The following CC2D1A variants were observed in gnomAD, a reference collection of about 807,000 sequenced individuals.
CC2D1A encodes the protein coiled-coil and C2 domain-containing protein 1A.
Under a neutral mutation model 123.8 loss-of-function variants are expected in CC2D1A, and 68 were observed. The ratio of observed to expected loss-of-function variants is 0.55; its 90% CI spans 0.45 to 0.67. The LOEUF (loss-of-function observed/expected upper bound fraction) is 0.67, where lower values mean the gene tolerates loss of function less well. Among genes scored for constraint, CC2D1A ranks in the 30% least tolerant of loss-of-function variants. CC2D1A has a pLI of 0.00. For synonymous variants in CC2D1A, 477 were observed against 528.0 expected, an observed-to-expected ratio of 0.90 and a Z score of 1.32; for missense variants, 1,185 against 1,290.3, an observed-to-expected ratio of 0.92 and a Z score of 1.25.
intron 11 of CC2D1A, 130 bp from the exon 12 acceptor site, chr19:13,919,688 A>AATT: frequency 1.0e-6 from 1 of 998,128 alleles, no homozygotes; most frequent in Non-Finnish European, 1.4e-6. Flanking sequence ...AAAAAAAAAA[A>AATT]AATTAATTAA....
chr19:13,919,074 A>C, intron 10 of CC2D1A, 32 bp downstream of exon 10: 2 of 1,602,646 alleles, frequency 1.2e-6, no homozygotes, highest in Non-Finnish European at 1.7e-6. Flanking sequence ...AGGTGGGGCG[A>C]GTGGGCAGCC....
In CC2D1A at chr19:13,923,350, C is replaced by T. The variant is rs1971475602; in HGVS notation, c.1659C>T (p.Val553=). 1.9e-6 allele frequency: 3 copies of T among 1,609,260 alleles called. No homozygotes were observed. The highest frequency in any genetic ancestry group is 2.5e-6 in the Non-Finnish European group (3 of 1,179,812). ...VDITKVPPAP[V]NKDDFALVQR... The stretch of plus-strand genomic sequence containing the variant: ...CTCCCCAGGTGCCGCCTGCCCCTGT[C>T]AACAAGGACGACTTTGCCCTGGTCC... Residue 553 remains valine (V), a synonymous_variant, in exon 15 of 29, where the codon GTC becomes GTT. Transcript: ENST00000318003. This position sits in a 1 kb window ranked among gnomAD's most constrained non-coding sequence, Gnocchi z 5.3.
rs928026200 is a variant in CC2D1A at position 13,906,222 on chromosome 19, C to G, written c.-220C>G. 1.2e-4 allele frequency: 52 copies of G among 436,634 alleles called. No individual in the cohort carries two copies. The highest frequency in any genetic ancestry group is 9.1e-4 in the African/African-American group (44 of 48,562). 27.0% of individuals were successfully genotyped at this position (436,634 alleles called of 1,614,324 possible). ...AGTTGTAGTTTCGGCTCGGCAGACCCGGCGAGCCCAGTGGCCGCGCTCCGG... is the reference window on the plus strand; with the variant it reads ...AGTTGTAGTTTCGGCTCGGCAGACCGGGCGAGCCCAGTGGCCGCGCTCCGG... On this transcript the variant is annotated 5_prime_UTR_variant, in exon 1 of 29. Transcript: ENST00000318003. The surrounding 1 kb of genome is among the most constrained non-coding windows in gnomAD (Gnocchi z 4.1).
At chr19:13,920,081 C>A in intron 12 of CC2D1A, 130 bp downstream of exon 12, 1 of 969,284 alleles carries the variant, frequency 1.0e-6, no homozygotes, top group Non-Finnish European at 1.5e-6. Flanking sequence ...ACCCCCGTCT[C>A]TACAAAAAAA....
chr19:13,924,712 G>A (rs1315513394), intron 17 of CC2D1A, among the ~76,000 whole-genome samples: 2 of 152,112 alleles, frequency 1.3e-5, no homozygotes, highest in African/African-American at 4.8e-5. Flanking sequence ...GCCTGCCTTG[G>A]CCTCCCAAAA....
Position 13,926,860 on chromosome 19 carries a change from A to C in CC2D1A, c.2113A>C (p.Thr705Pro). Residue 705 changes from threonine to proline, a missense_variant, in exon 20 of 29, where the codon ACA (threonine) becomes CCA (proline). Physicochemically the swap from Thr to Pro is conservative, Grantham distance 38 (BLOSUM62 -1). Coordinates refer to ENST00000318003, the MANE Select transcript of CC2D1A (RefSeq NM_017721.5). Reference protein sequence around the residue: ...QKDKTSVIKNTDSPEFKEQFK... With the variant: ...QKDKTSVIKNPDSPEFKEQFK... ...AGACAAGACCAGTGTGATCAAGAAC[A>C]CAGACTCCCCTGGTGAGCCTCGGCT... 1 of 1,614,110 alleles carries C rather than the reference A, an allele frequency of 6.2e-7. No homozygotes were observed. The highest frequency in any genetic ancestry group is 1.6e-4 in the Middle Eastern group (1 of 6,062).
In CC2D1A at chr19:13,928,011, T is replaced by A; in HGVS notation, c.2435T>A (p.Val812Glu). The change falls in exon 23 of 29, where the codon GTG (valine) becomes GAG (glutamate). Residue 812 changes from valine to glutamate, a missense_variant. Val to Glu is a moderately radical substitution (Grantham distance 121). Coordinates refer to ENST00000318003, the MANE Select transcript of CC2D1A (RefSeq NM_017721.5). ...GAGAGGTGGCTGGTCATTGACCCTG[T>A]GCCGGCAGCTGTGCCCACAGTGAGA... The part of the protein sequence containing the change: ...TTERWLVIDP[V>E]PAAVPTQVAG... 1 of 1,613,666 alleles carries A rather than the reference T, an allele frequency of 6.2e-7. No homozygotes were observed. The highest frequency in any genetic ancestry group is 8.5e-7 in the Non-Finnish European group (1 of 1,179,844).
At chr19:13,907,541 C>T (rs1466124746) in intron 1 of CC2D1A, among the ~76,000 whole-genome samples, 3 of 151,950 alleles carry the variant, frequency 2.0e-5, no homozygotes, top group Non-Finnish European at 2.9e-5. Context: ...GGCATGGTGG[C>T]GGGCACCTGT....
chr19:13,914,425 C>A (rs1324032642), intron 6 of CC2D1A, among the ~76,000 whole-genome samples: 1 of 151,408 alleles, frequency 6.6e-6, no homozygotes, highest in African/African-American at 2.4e-5. Context: ...ACCTTTGCCT[C>A]CTGGGTTCAA....
At chr19:13,912,079 G>A (rs1296779683) in intron 2 of CC2D1A, among the ~76,000 whole-genome samples, 1 of 152,016 alleles carries the variant, frequency 6.6e-6, no homozygotes, top group African/African-American at 2.4e-5. Context: ...TTGAACGCCT[G>A]ACTTCAAGTG....
intron 6 of CC2D1A, among the ~76,000 whole-genome samples, chr19:13,917,229 G>A (rs1046319894): frequency 6.6e-6 from 1 of 152,228 alleles, no homozygotes; most frequent in South Asian, 2.1e-4. Flanking sequence ...CTGCACTTTG[G>A]GAAGCTGAGG....
chr19:13,915,436 G>A (rs1599385912), intron 6 of CC2D1A, among the ~76,000 whole-genome samples: 1 of 152,108 alleles, frequency 6.6e-6, no homozygotes, highest in East Asian at 1.9e-4. Context: ...AGTAGAGACG[G>A]GGTTTCACCA....
chr19:13,926,267 C>G (rs1971636980), intron 17 of CC2D1A, among the ~76,000 whole-genome samples: 1 of 151,742 alleles, frequency 6.6e-6, no homozygotes, highest in South Asian at 2.1e-4. Flanking sequence ...GCTAGGGTAC[C>G]TAGCACACAG....
chr19:13,928,220 A>C (rs781157319), intron 24 of CC2D1A, 32 bp downstream of exon 24: 1 of 1,591,446 alleles, frequency 6.3e-7, no homozygotes, highest in Non-Finnish European at 8.6e-7. Flanking sequence ...TGCTGGAGAA[A>C]ACACCCAATT....
chr19:13,920,765 C>G lies in CC2D1A; in HGVS notation c.1484C>G (p.Ala495Gly). The G allele has an allele frequency of 1.2e-6, 2 of 1,613,408 alleles. No homozygotes were observed. The highest frequency in any genetic ancestry group is 1.1e-5 in the South Asian group (1 of 91,032). Residue 495 changes from alanine to glycine, a missense_variant, in exon 14 of 29, where the codon GCC (alanine) becomes GGC (glycine). Coordinates refer to ENST00000318003, the MANE Select transcript of CC2D1A (RefSeq NM_017721.5). ...ATSTRAQQQL[A>G]FLEGRKKQLL... is the part of the protein sequence containing the mutation. Reference sequence around the variant, plus strand: ...ATGCCCACAGCCCAGCAGCAGCTGGCCTTCCTAGAGGGCCGCAAGAAGCAG... The same window carrying G: ...ATGCCCACAGCCCAGCAGCAGCTGGGCTTCCTAGAGGGCCGCAAGAAGCAG...
In CC2D1A at chr19:13,906,986, A is replaced by G. The variant is rs1265647914; in HGVS notation, c.60+485A>G. ...GACTTCTTTGCCCCAGGCACCAGAT[A>G]GTTTGATTTTTCTCAGTTTTGATGG... On this transcript the variant is annotated intron_variant, in intron 1 of 28. Coordinates refer to ENST00000318003, the MANE Select transcript of CC2D1A (RefSeq NM_017721.5). This position sits in a 1 kb window ranked among gnomAD's most constrained non-coding sequence, Gnocchi z 4.1. Among the ~76,000 whole-genome samples, 1 of 152,106 alleles carries G rather than the reference A, an allele frequency of 6.6e-6. No homozygotes were observed. Among genetic ancestry groups the G allele is most frequent in the Non-Finnish European group, 1.5e-5 (1 of 68,018 alleles).
chr19:13,909,953 G>A lies in CC2D1A; in HGVS notation c.191G>A (p.Gly64Asp), dbSNP rs1970939490. Residue 64 changes from glycine to aspartate, a missense_variant, in exon 2 of 29, where the codon GGC (glycine) becomes GAC (aspartate). Coordinates refer to ENST00000318003, the MANE Select transcript of CC2D1A (RefSeq NM_017721.5). Reference protein sequence around the residue: ...GQPPALEKLKGKGPLPMEAIE... With the variant: ...GQPPALEKLKDKGPLPMEAIE... ...CCCCCAGCCCTGGAGAAGCTCAAAG[G>A]CAAAGGTGAGATGGTTAACACACCC... 3 of 1,514,738 alleles carry A rather than the reference G, an allele frequency of 2.0e-6. No homozygotes were observed. Among genetic ancestry groups the A allele is most frequent in the Admixed American group, 2.3e-5 (1 of 44,292 alleles). The allele number at this position is 1,514,738 out of a possible 1,614,324, so 93.8% of individuals were successfully genotyped here. A position where few individuals can be genotyped will look rare whatever the true frequency, so the allele number is the denominator to read the frequency against.
rs1179174589 is a variant in CC2D1A at position 13,913,318 on chromosome 19, G to A, written c.513+16G>A. 6.2e-7 allele frequency: 1 copy of A among 1,609,656 alleles called. No homozygotes were observed. The highest frequency in any genetic ancestry group is 8.5e-7 in the Non-Finnish European group (1 of 1,177,580). On this transcript the variant is annotated intron_variant, in intron 5 of 28. Transcript: ENST00000318003. ...GGGGCTTAAAGTAAGTGGGCAGAGG[G>A]CAGGGTACAGGGACCCCCCGCCAAC...
At chr19:13,926,434 G>T in intron 17 of CC2D1A, 83 bp from the exon 18 acceptor site, 1 of 1,344,478 alleles carries the variant, frequency 7.4e-7, no homozygotes, top group Non-Finnish European at 1.0e-6. Context: ...GCCCCCACTG[G>T]GGGAAGAGAA....
Sources: gnomAD v4.1 joint callset for allele counts (sites outside exome capture counted in the v4.1 genomes callset) on GRCh38, gnomAD v4.1.1 for gene constraint, Gnocchi (gnomAD v3.1) non-coding constraint, MANE v1.5 for transcripts, NCBI Gene and HGNC (gene_info 2026-07-23, HGNC 2026-07-21) for gene names.